DSCAML1: variants seen among roughly 807,000 people sequenced by gnomAD.
DSCAML1 encodes the protein cell adhesion molecule DSCAML1.
Under a neutral mutation model 200.5 loss-of-function variants are expected in DSCAML1, and 38 were observed. The observed-to-expected ratio is 0.19, with a 90% CI of 0.15 to 0.25. DSCAML1 has a LOEUF of 0.25. DSCAML1 is among the 10% of genes least tolerant of loss of function. DSCAML1 has a pLI of 1.00. For missense variants in DSCAML1, 2,223 were observed against 2,858.8 expected (o/e 0.78, Z 5.07); for synonymous variants, 1,215 against 1,165.0 (o/e 1.04, Z -0.87).
chr11:117,654,699 A>G (rs1269618723), intron 3 of DSCAML1, among the ~76,000 whole-genome samples: 3 of 152,150 alleles, frequency 2.0e-5, no homozygotes, highest in Non-Finnish European at 4.4e-5. Context: ...CAGAATGTTA[A>G]ATTGGAAGAG....
At chr11:117,471,210 C>T (rs1592629237) in intron 15 of DSCAML1, among the ~76,000 whole-genome samples, 1 of 150,196 alleles carries the variant, frequency 6.7e-6, no homozygotes, top group South Asian at 2.1e-4. Flanking sequence ...CTTCCTCTGT[C>T]GCCCAGGCTG....
At position 117,467,201 on chromosome 11, in the gene DSCAML1, C is replaced by A. The variant is rs552563357; in HGVS notation, c.3025-2019G>T. On this transcript the variant is annotated intron_variant, in intron 16 of 32. Coordinates refer to ENST00000651296, the MANE Select transcript of DSCAML1 (RefSeq NM_020693.4). ...CATGCGCGTGCACACACACCTCCCC[C>A]CTCCCCCCGCCGCCAATATATCCAT... 2.3e-4 allele frequency among the ~76,000 whole-genome samples: 31 copies of A among 134,140 alleles called. 2 individuals carry two copies. The South Asian group carries it at 7.5e-3, about 32-fold the overall frequency. 88.0% of individuals were successfully genotyped at this position (134,140 alleles called of 152,430 possible). A position where few individuals can be genotyped will look rare whatever the true frequency, so the allele number is the denominator to read the frequency against.
chr11:117,806,658 T>C (rs2055709286), intron 1 of DSCAML1, among the ~76,000 whole-genome samples: 1 of 152,220 alleles, frequency 6.6e-6, no homozygotes, highest in South Asian at 2.1e-4. Flanking sequence ...AACTGAGACA[T>C]AGAGAAATTA....
intron 3 of DSCAML1, among the ~76,000 whole-genome samples, chr11:117,592,585 T>G (rs2051279238): frequency 6.6e-6 from 1 of 152,198 alleles, no homozygotes; most frequent in Non-Finnish European, 1.5e-5. Context: ...AGCGCTAGGC[T>G]CACCGATGGT....
At chr11:117,487,787 G>T (rs2049105839) in intron 11 of DSCAML1, among the ~76,000 whole-genome samples, 1 of 152,180 alleles carries the variant, frequency 6.6e-6, no homozygotes, top group Admixed American at 6.5e-5. Flanking sequence ...GAGAGACACT[G>T]CAAGGGGGGA....
chr11:117,790,415 G>A (rs1026697374), intron 1 of DSCAML1, among the ~76,000 whole-genome samples: 12 of 152,248 alleles, frequency 7.9e-5, no homozygotes, highest in African/African-American at 2.9e-4. Flanking sequence ...CAGCCTGGCT[G>A]TGCCTCATCA....
intron 1 of DSCAML1, among the ~76,000 whole-genome samples, chr11:117,796,339 G>A (rs1001941297): frequency 5.9e-5 from 9 of 152,352 alleles, no homozygotes; most frequent in African/African-American, 2.2e-4. Flanking sequence ...CGCATCTTGG[G>A]GCGCGCTGCC....
chr11:117,710,576 C>T (rs1017688840), intron 3 of DSCAML1, among the ~76,000 whole-genome samples: 6 of 152,210 alleles, frequency 3.9e-5, no homozygotes, highest in African/African-American at 7.2e-5. Flanking sequence ...AGCTCTGCAC[C>T]TTACAACCTG....
At chr11:117,465,775 T>G (rs1015308170) in intron 16 of DSCAML1, among the ~76,000 whole-genome samples, 5 of 142,452 alleles carry the variant, frequency 3.5e-5, no homozygotes, top group Admixed American at 1.4e-4. Context: ...AATGAATGAA[T>G]GAATGAATAG....
intron 11 of DSCAML1, among the ~76,000 whole-genome samples, chr11:117,490,772 G>A (rs1003551532): frequency 2.0e-5 from 3 of 152,224 alleles, no homozygotes; most frequent in African/African-American, 4.8e-5. Flanking sequence ...CTTTCTTTCG[G>A]TTTATCCTAG....
intron 3 of DSCAML1, among the ~76,000 whole-genome samples, chr11:117,561,688 G>C (rs981419061): frequency 6.6e-6 from 1 of 152,176 alleles, no homozygotes; most frequent in Non-Finnish European, 1.5e-5. Context: ...TTATCTTCAC[G>C]TTCTAGCTCA....
chr11:117,725,678 G>A (rs2054114513), intron 3 of DSCAML1, among the ~76,000 whole-genome samples: 1 of 19,866 alleles, frequency 5.0e-5, no homozygotes, highest in African/African-American at 6.2e-5. Context: ...GCAGGAGGAG[G>A]GAGGCCGGGC....
intron 21 of DSCAML1, among the ~76,000 whole-genome samples, chr11:117,441,113 C>G (rs1320939365): frequency 6.6e-6 from 1 of 151,720 alleles, no homozygotes; most frequent in Admixed American, 6.6e-5. Context: ...CAAGAGCTGA[C>G]AAAACTTAGG....
At chr11:117,695,220 T>C (rs1039687332) in intron 3 of DSCAML1, among the ~76,000 whole-genome samples, 1 of 152,102 alleles carries the variant, frequency 6.6e-6, no homozygotes, top group African/African-American at 2.4e-5. Context: ...GAATTAGGGA[T>C]GCGAGAAAGG....
chr11:117,454,008 C>T (rs2048330890), intron 19 of DSCAML1, among the ~76,000 whole-genome samples: 1 of 152,160 alleles, frequency 6.6e-6, no homozygotes, highest in Non-Finnish European at 1.5e-5. Context: ...TCCCAAAGTG[C>T]AGATTTTTTA....
chr11:117,435,746 G>A lies in DSCAML1; in HGVS notation c.4774C>T (p.Leu1592=), dbSNP rs779558502. The A allele has an allele frequency of 1.2e-6, 2 of 1,613,522 alleles. No individual in the cohort carries two copies. Among genetic ancestry groups the A allele is most frequent in the South Asian group, 2.2e-5 (2 of 91,040 alleles). ...AQGEGDDVKK[L]FTIGCPVILA... ...ATGACAGGGCAGCCGATGGTGAACA[G>A]CTTCTTCACATCATCCCCTTCACCT... The change falls in exon 27 of 33, where the codon CTG becomes TTG. Residue 1592 remains leucine, a synonymous_variant. Transcript: ENST00000651296.
chr11:117,595,519 C>A (rs1024230153), intron 3 of DSCAML1, among the ~76,000 whole-genome samples: 1 of 152,122 alleles, frequency 6.6e-6, no homozygotes, highest in Admixed American at 6.6e-5. Context: ...TCAAAAACAT[C>A]ATTTTAAGGA....
chr11:117,742,273 C>T lies in DSCAML1; in HGVS notation c.511+34518G>A, dbSNP rs529025974. 7.5e-4 allele frequency among the ~76,000 whole-genome samples: 114 copies of T among 152,262 alleles called. 2 individuals carry two copies. The South Asian group carries it at 0.022, about 29-fold the overall frequency. The stretch of plus-strand genomic sequence containing the variant: ...TAACCCAAGACTGTAGACGGTGCTA[C>T]CTTAGAGAGGAAGCCTGAGGTCAAA... On this transcript the variant is annotated intron_variant, in intron 3 of 32. Transcript: ENST00000651296.
chr11:117,784,888 C>T (rs1171197580), intron 1 of DSCAML1, among the ~76,000 whole-genome samples: 1 of 152,112 alleles, frequency 6.6e-6, no homozygotes, highest in East Asian at 1.9e-4. Context: ...TTATAATATG[C>T]GAGATAGGGA....
Sources: gnomAD v4.1 joint callset for allele counts (sites outside exome capture counted in the v4.1 genomes callset) on GRCh38, gnomAD v4.1.1 for gene constraint, MANE v1.5 for transcripts, NCBI Gene and HGNC (gene_info 2026-07-23, HGNC 2026-07-21) for gene names.